The following IGDCC4 variants were observed in gnomAD, a reference collection of about 807,000 sequenced individuals.
IGDCC4 encodes the protein immunoglobulin superfamily DCC subclass member 4.
In IGDCC4, 72 loss-of-function variants were observed where a neutral mutation model predicts 116.6. The ratio of observed to expected loss-of-function variants is 0.62; its 90% confidence interval spans 0.51 to 0.75. The LOEUF is 0.75. Among genes scored for constraint, IGDCC4 ranks in the 30% least tolerant of loss-of-function variants. The pLI, the probability that IGDCC4 is intolerant of heterozygous loss-of-function variation, is 0.00. For missense variants in IGDCC4, 1,501 were observed against 1,662.4 expected (o/e 0.90, Z 1.69); for synonymous variants, 709 against 719.9 (o/e 0.98, Z 0.24).
In IGDCC4 at chr15:65,383,890, G is replaced by A. The variant is rs1014198078; in HGVS notation, c.*119C>T. The A allele has an allele frequency of 3.1e-6, 3 of 966,114 alleles. No individual in the cohort carries two copies. Among genetic ancestry groups the A allele is most frequent in the Non-Finnish European group, 4.4e-6 (3 of 680,898 alleles). The allele number at this position is 966,114 out of a possible 1,614,324, so 59.8% of individuals were successfully genotyped here. On this transcript the variant is annotated 3_prime_UTR_variant, in exon 20 of 20. Transcript: ENST00000352385. The stretch of plus-strand genomic sequence containing the variant: ...TCTCCCCTCAGCCAAAGCAACTTAG[G>A]AAGCTCCAAAGGGCTTGATGATGTA...
intron 3 of IGDCC4, among the ~76,000 whole-genome samples, chr15:65,405,309 G>GTTT (rs56300756): frequency 0.21 from 29,890 of 142,256 alleles, 3,522 homozygotes; most frequent in African/African-American, 0.32. Context: ...TGTTAAGTGG[G>GTTT]TTTTTTTTTT....
rs929070742 is a variant in IGDCC4, at chr15:65,382,537, A to C, written c.*1472T>G. 1 of 152,632 alleles carries C rather than the reference A, an allele frequency of 6.6e-6. No individual in the cohort carries two copies. The highest frequency in any genetic ancestry group is 2.4e-5 in the African/African-American group (1 of 41,438). 9.5% of individuals were successfully genotyped at this position (152,632 alleles called of 1,614,324 possible). A position where few individuals can be genotyped will look rare whatever the true frequency, so the allele number is the denominator to read the frequency against. On this transcript the variant is annotated 3_prime_UTR_variant, in exon 20 of 20. Coordinates refer to ENST00000352385, the MANE Select transcript of IGDCC4 (RefSeq NM_020962.3). Reference sequence around the variant, plus strand: ...GACCCTAACATTCTATGCTCCTATGAGAGGGCTGAGGTGAAAAACCAAATA... The same window carrying C: ...GACCCTAACATTCTATGCTCCTATGCGAGGGCTGAGGTGAAAAACCAAATA...
At chr15:65,403,584 G>A (rs935174684) in intron 3 of IGDCC4, among the ~76,000 whole-genome samples, 1 of 152,020 alleles carries the variant, frequency 6.6e-6, no homozygotes, top group Non-Finnish European at 1.5e-5. Context: ...AAAATAGGAG[G>A]GTATTTTCCC....
chr15:65,402,603 T>C, intron 3 of IGDCC4, 116 bp from the exon 4 acceptor site: 1 of 1,341,554 alleles, frequency 7.5e-7, no homozygotes, highest in Non-Finnish European at 1.0e-6. Flanking sequence ...GCGCAGTGGC[T>C]CACGCCTATA....
At chr15:65,400,780 C>A in intron 5 of IGDCC4, 26 bp downstream of exon 5, 5 of 1,570,394 alleles carry the variant, frequency 3.2e-6, no homozygotes, top group South Asian at 1.2e-5. Context: ...TTCCCATGCC[C>A]TCCTTCTCCC....
At chr15:65,419,794 G>T (rs547281482) in intron 1 of IGDCC4, among the ~76,000 whole-genome samples, 1 of 152,200 alleles carries the variant, frequency 6.6e-6, no homozygotes, top group African/African-American at 2.4e-5. Flanking sequence ...ACCTTTGTGC[G>T]TGTGATAAGA....
intron 3 of IGDCC4, among the ~76,000 whole-genome samples, chr15:65,407,026 C>T (rs2063046788): frequency 6.6e-6 from 1 of 152,094 alleles, no homozygotes; most frequent in Non-Finnish European, 1.5e-5. Flanking sequence ...CTTCTTCAGA[C>T]CTCACAGGTT....
chr15:65,391,304 G>A (rs970915302), intron 12 of IGDCC4, among the ~76,000 whole-genome samples: 2 of 152,204 alleles, frequency 1.3e-5, no homozygotes, highest in South Asian at 2.1e-4. Context: ...TGGCTGGGAA[G>A]TTAGGGGTGA....
rs769171850 is a variant in IGDCC4 at position 65,388,468 on chromosome 15, C to T, written c.2826G>A (p.Thr942=). ...GPFSRLQDVI[T]LQEKLSDSLD... ...TCATACCTGACAGCTTCTCCTGGAG[C>T]GTGATCACATCCTGCAGGCGGGAGA... The change falls in exon 16 of 20, where the codon ACG becomes ACA. Residue 942 remains threonine, a synonymous_variant. Transcript: ENST00000352385. The T allele has an allele frequency of 1.4e-5, 22 of 1,614,018 alleles. No individual in the cohort carries two copies. Among genetic ancestry groups the T allele is most frequent in the African/African-American group, 1.2e-4 (9 of 74,936 alleles).
intron 2 of IGDCC4, 139 bp downstream of exon 2, chr15:65,410,881 T>C (rs1032377945): frequency 7.8e-6 from 5 of 644,700 alleles, no homozygotes; most frequent in African/African-American, 5.5e-5. Flanking sequence ...AAGAGACCTA[T>C]TGAGCAGGAT....
chr15:65,400,693 CAGA>C, intron 5 of IGDCC4, 110 bp downstream of exon 5: 1 of 1,354,734 alleles, frequency 7.4e-7, no homozygotes, highest in Non-Finnish European at 1.0e-6. Flanking sequence ...CGTGCCACAC[CAGA>C]AGGTTCGTGA....
Position 65,389,305 on chromosome 15 carries a change from C to G in IGDCC4, c.2515G>C (p.Glu839Gln), listed in dbSNP as rs759251931. Residue 839 changes from glutamate to glutamine, a missense_variant, in exon 14 of 20, where the codon GAG becomes CAG. Physicochemically the swap from Glu to Gln is conservative, Grantham distance 29 (BLOSUM62 2). Transcript: ENST00000352385. Reference protein sequence around the residue: ...DMDGPFGSVVERSTLPDRPST... With the variant: ...DMDGPFGSVVQRSTLPDRPST... ...TCACGGTCAGGCAGGGTGGAGCGCTCCACCACAGAGCCGAAAGGCCCATCC... is the reference window on the plus strand; with the variant it reads ...TCACGGTCAGGCAGGGTGGAGCGCTGCACCACAGAGCCGAAAGGCCCATCC... 8.7e-6 allele frequency: 14 copies of G among 1,613,888 alleles called. No individual in the cohort carries two copies. Among genetic ancestry groups the G allele is most frequent in the Non-Finnish European group, 1.2e-5 (14 of 1,180,006 alleles).
intron 5 of IGDCC4, 33 bp downstream of exon 5, chr15:65,400,773 C>G (rs2062976671): frequency 5.8e-6 from 9 of 1,565,188 alleles, no homozygotes; most frequent in Non-Finnish European, 7.8e-6. Flanking sequence ...CCCTCCCTTC[C>G]CATGCCCTCC....
Position 65,396,158 on chromosome 15 carries a change from G to C in IGDCC4, c.1003C>G (p.Pro335Ala). Residue 335 changes from proline to alanine, a missense_variant, in exon 7 of 20, where the codon CCC (proline) becomes GCC (alanine). By Grantham distance (27) the Pro-to-Ala change is conservative. This residue lies in a region of IGDCC4 where 898 missense variants were observed against 978.9 expected (regional missense o/e 0.92). Coordinates refer to ENST00000352385, the MANE Select transcript of IGDCC4 (RefSeq NM_020962.3). The stretch of plus-strand genomic sequence containing the variant: ...GCCTCGGGCGCCTGAGTGATGGCGG[G>C]AGCCGCTAGGGGCGCGAGGGGCGAC... ...AAAELRVLAA[P>A]AITQAPEALS... is the part of the protein sequence containing the mutation. The C allele has an allele frequency of 6.7e-7, 1 of 1,489,188 alleles. No homozygotes were observed. Among genetic ancestry groups the C allele is most frequent in the Non-Finnish European group, 8.9e-7 (1 of 1,125,472 alleles). The allele number at this position is 1,489,188 out of a possible 1,614,324, so 92.2% of individuals were successfully genotyped here.
At position 65,393,719 on chromosome 15, in the gene IGDCC4, A is replaced by G. The variant is rs1422532304; in HGVS notation, c.1715-188T>C. Among the ~76,000 whole-genome samples, 1 of 152,052 alleles carries G rather than the reference A, an allele frequency of 6.6e-6. No individual in the cohort carries two copies. Among genetic ancestry groups the G allele is most frequent in the African/African-American group, 2.4e-5 (1 of 41,394 alleles). The stretch of plus-strand genomic sequence containing the variant: ...TCCAGGGTTGACGCTTGAGCCTCCA[A>G]CTCTGGCTGATGCAGGCCATCAGCC... On this transcript the variant is annotated intron_variant, in intron 9 of 19. Coordinates refer to ENST00000352385, the MANE Select transcript of IGDCC4 (RefSeq NM_020962.3). The surrounding 1 kb of genome is among the most constrained non-coding windows in gnomAD (Gnocchi z 4.6).
At position 65,422,853 on chromosome 15, in the gene IGDCC4, C is replaced by T. The variant is rs971203905; in HGVS notation, c.10G>A (p.Gly4Arg). Reference protein sequence around the residue: MARGDAGRGRGLLA... With the variant: MARRDAGRGRGLLA... ...AGCCCGCGGCCGCGGCCGGCGTCCC[C>T]CCGCGCCATGGGGCTGGGCTCGGGC... The change falls in exon 1 of 20, where the codon GGG becomes AGG. Residue 4 changes from glycine (G) to arginine (R), a missense_variant. Around this residue, in one of 3 missense-constraint regions of IGDCC4, gnomAD observed 898 missense variants for 978.9 expected, o/e 0.92. Coordinates refer to ENST00000352385, the MANE Select transcript of IGDCC4 (RefSeq NM_020962.3). 2.5e-6 allele frequency: 3 copies of T among 1,190,814 alleles called. 1 individual carries two copies. Among genetic ancestry groups the T allele is most frequent in the African/African-American group, 1.6e-5 (1 of 61,752 alleles). The allele number at this position is 1,190,814 out of a possible 1,614,324, so 73.8% of individuals were successfully genotyped here. A position where few individuals can be genotyped will look rare whatever the true frequency, so the allele number is the denominator to read the frequency against.
chr15:65,388,677 T>C, intron 15 of IGDCC4, 91 bp from the exon 16 acceptor site: 7 of 1,596,918 alleles, frequency 4.4e-6, no homozygotes, highest in Non-Finnish European at 6.0e-6. Context: ...GAGTCTGCTC[T>C]CCACTTAGGC....
At position 65,384,032 on chromosome 15, in the gene IGDCC4, A is replaced by T; in HGVS notation, c.3730T>A (p.Ser1244Thr). 1 of 1,597,548 alleles carries T rather than the reference A, an allele frequency of 6.3e-7. No homozygotes were observed. Among genetic ancestry groups the T allele is most frequent in the Non-Finnish European group, 8.6e-7 (1 of 1,167,804 alleles). Reference protein sequence around the residue: ...PLGASPGLPRSPVSSSA With the variant: ...PLGASPGLPRTPVSSSA ...AGCTAGGCAGAGGAGGAGACCGGGG[A>T]TCTGGGCAGGCCTGGGCTGGCTCCT... The change falls in exon 20 of 20, where the codon TCC becomes ACC. Residue 1244 changes from serine (S) to threonine (T), a missense_variant. Ser to Thr is a moderately conservative substitution (Grantham distance 58). This residue lies in a region of IGDCC4 where 368 missense variants were observed against 355.6 expected (regional missense o/e 1.03). Coordinates refer to ENST00000352385, the MANE Select transcript of IGDCC4 (RefSeq NM_020962.3). This position sits in a 1 kb window ranked among gnomAD's most constrained non-coding sequence, Gnocchi z 4.9.
chr15:65,385,907 T>A lies in IGDCC4; in HGVS notation c.3104A>T (p.Asp1035Val). 6.2e-7 allele frequency: 1 copy of A among 1,612,444 alleles called. No homozygotes were observed. Among genetic ancestry groups the A allele is most frequent in the Non-Finnish European group, 8.5e-7 (1 of 1,179,912 alleles). ...HPQDWSPPPSDVEDRAEVHSL... is the reference protein window; with the variant it reads ...HPQDWSPPPSVVEDRAEVHSL... The stretch of plus-strand genomic sequence containing the variant: ...GTGCACTTCAGCCCTGTCCTCCACG[T>A]CTGAGGGTGGCGGGGACCAGTCCTG... Residue 1035 changes from aspartate (D) to valine (V), a missense_variant, in exon 18 of 20, where the codon GAC becomes GTC. Physicochemically the swap from Asp to Val is radical, Grantham distance 152. Around this residue, in one of 3 missense-constraint regions of IGDCC4, gnomAD observed 368 missense variants for 355.6 expected, o/e 1.03. Transcript: ENST00000352385.
Sources: gnomAD v4.1 joint callset for allele counts (sites outside exome capture counted in the v4.1 genomes callset) on GRCh38, gnomAD v4.1.1 for gene constraint, gnomAD v4.1.1 regional missense constraint, Gnocchi (gnomAD v3.1) non-coding constraint, MANE v1.5 for transcripts, NCBI Gene and HGNC (gene_info 2026-07-23, HGNC 2026-07-21) for gene names.